The following RPS6KA5 variants were observed in gnomAD, a reference collection of about 807,000 sequenced individuals.
The protein encoded by RPS6KA5 is ribosomal protein S6 kinase A5.
A neutral mutation model predicts 85.5 loss-of-function variants in RPS6KA5; 27 were observed. The ratio of observed to expected loss-of-function variants is 0.32; its 90% CI spans 0.23 to 0.44. The LOEUF (loss-of-function observed/expected upper bound fraction) is 0.44. Among genes scored for constraint, RPS6KA5 ranks in the 20% least tolerant of loss-of-function variants. RPS6KA5 has a pLI of 1.00. For missense variants in RPS6KA5, 811 were observed against 980.9 expected, an observed-to-expected ratio of 0.83 and a Z score of 2.31; for synonymous variants, 334 against 348.2, an observed-to-expected ratio of 0.96 and a Z score of 0.46.
At chr14:90,958,502 T>C (rs145939196) in intron 3 of RPS6KA5, among the ~76,000 whole-genome samples, 1 of 152,354 alleles carries the variant, frequency 6.6e-6, no homozygotes, top group African/African-American at 2.4e-5. Context: ...ACTGATGCAG[T>C]AGATAAGCAC....
intron 5 of RPS6KA5, among the ~76,000 whole-genome samples, chr14:90,931,088 A>T (rs1225084862): frequency 6.6e-6 from 1 of 152,246 alleles, no homozygotes; most frequent in South Asian, 2.1e-4. Context: ...ATATTTGCAC[A>T]ACCACGTTCA....
chr14:91,059,706 C>G (rs1423000973), intron 1 of RPS6KA5, among the ~76,000 whole-genome samples: 2 of 152,238 alleles, frequency 1.3e-5, no homozygotes, highest in East Asian at 3.9e-4. Flanking sequence ...CCAGGGACCT[C>G]TGAAGGAAAT....
intron 1 of RPS6KA5, among the ~76,000 whole-genome samples, chr14:91,024,791 T>C (rs138794131): frequency 3.9e-5 from 6 of 152,330 alleles, no homozygotes; most frequent in Non-Finnish European, 7.4e-5. Flanking sequence ...TTGGCACATA[T>C]TGCTGACATT....
chr14:90,990,539 G>A (rs1046104973), intron 2 of RPS6KA5, among the ~76,000 whole-genome samples: 1 of 152,024 alleles, frequency 6.6e-6, no homozygotes, highest in African/African-American at 2.4e-5. Flanking sequence ...TATACACAAA[G>A]GAATATAAAT....
At chr14:91,023,189 A>C (rs975392248) in intron 1 of RPS6KA5, among the ~76,000 whole-genome samples, 4 of 151,558 alleles carry the variant, frequency 2.6e-5, no homozygotes, top group African/African-American at 9.7e-5. Flanking sequence ...GCTCACCATC[A>C]GGTTGTTTTC....
intron 5 of RPS6KA5, among the ~76,000 whole-genome samples, chr14:90,927,085 C>T (rs1229964986): frequency 2.0e-5 from 3 of 151,992 alleles, no homozygotes; most frequent in African/African-American, 7.2e-5. Context: ...TGGTCATGAT[C>T]GTTTGAGAGA....
intron 7 of RPS6KA5, among the ~76,000 whole-genome samples, chr14:90,916,511 AATG>A (rs2036124782): frequency 6.6e-6 from 1 of 152,226 alleles, no homozygotes; most frequent in Admixed American, 6.5e-5. Flanking sequence ...GGAAAAATTC[AATG>A]ATGATAAAAA....
intron 1 of RPS6KA5, among the ~76,000 whole-genome samples, chr14:91,014,376 C>CCTA (rs1272819061): frequency 6.6e-6 from 1 of 151,656 alleles, no homozygotes; most frequent in Non-Finnish European, 1.5e-5. Context: ...GTGGCGTGCA[C>CCTA]CTGTAGTCCC....
intron 6 of RPS6KA5, among the ~76,000 whole-genome samples, chr14:90,922,713 T>C (rs1475720246): frequency 2.0e-5 from 3 of 152,320 alleles, no homozygotes; most frequent in African/African-American, 7.2e-5. Flanking sequence ...CCTTCCAAAG[T>C]GCTGGGATTA....
In RPS6KA5 at chr14:90,871,961, A is replaced by G; in HGVS notation, c.*113T>C. 1 of 1,364,324 alleles carries G rather than the reference A, an allele frequency of 7.3e-7. No homozygotes were observed. The highest frequency in any genetic ancestry group is 2.3e-5 in the Admixed American group (1 of 43,446). The allele number at this position is 1,364,324 out of a possible 1,614,324, so 84.5% of individuals were successfully genotyped here. On this transcript the variant is annotated 3_prime_UTR_variant, in exon 17 of 17. Transcript: ENST00000614987. ...GGTTTTCCTGAAAAAAATCATTAGG[A>G]GGCAGATTCCAATGAGACCAACGGG...
intron 5 of RPS6KA5, among the ~76,000 whole-genome samples, chr14:90,932,674 T>A (rs2037047395): frequency 6.6e-6 from 1 of 152,160 alleles, no homozygotes; most frequent in African/African-American, 2.4e-5. Context: ...GCCTAGTAAC[T>A]CAACTTTCTT....
Position 90,873,754 on chromosome 14 carries a change from C to T in RPS6KA5, c.2038G>A (p.Gly680Ser). The change falls in exon 16 of 17, where the codon GGC (glycine) becomes AGC (serine). Residue 680 changes from glycine to serine, a missense_variant. Gly to Ser is a moderately conservative substitution (Grantham distance 56, BLOSUM62 0). This residue lies in a region of RPS6KA5 where 650 missense variants were observed against 793.4 expected (regional missense o/e 0.82). Transcript: ENST00000614987. The part of the protein sequence containing the change: ...VDPNKRLKMS[G>S]LRYNEWLQDG... ...TGTAGCCATTCATTGTACCTCAAGCCAGACATTTTAAGCCTTTTGTTTGGA... is the reference window on the plus strand; with the variant it reads ...TGTAGCCATTCATTGTACCTCAAGCTAGACATTTTAAGCCTTTTGTTTGGA... 1.2e-6 allele frequency: 2 copies of T among 1,614,074 alleles called. No individual in the cohort carries two copies. Among genetic ancestry groups the T allele is most frequent in the South Asian group, 1.1e-5 (1 of 91,076 alleles).
intron 3 of RPS6KA5, among the ~76,000 whole-genome samples, chr14:90,957,771 T>C (rs2038598949): frequency 6.6e-6 from 1 of 152,132 alleles, no homozygotes; most frequent in African/African-American, 2.4e-5. Context: ...GTTGCTCTAA[T>C]GGAGCTACTG....
chr14:91,050,602 T>C (rs2043038722), intron 1 of RPS6KA5, among the ~76,000 whole-genome samples: 1 of 152,110 alleles, frequency 6.6e-6, no homozygotes, highest in Non-Finnish European at 1.5e-5. Flanking sequence ...CTAATTTTTG[T>C]ATTTTTAGTA....
chr14:90,856,825 T>TC lies in RPS6KA5; in HGVS notation c.*15248dup. 2 of 161,848 alleles carry TC rather than the reference T, an allele frequency of 1.2e-5. No homozygotes were observed. Among genetic ancestry groups the TC allele is most frequent in the Admixed American group, 6.4e-5 (1 of 15,720 alleles). 10.0% of individuals were successfully genotyped at this position (161,848 alleles called of 1,614,324 possible). ...CCTGTATACATTGTCACTCCCTATT[T>TC]CCCCCTCCCACCAGCCCCTGAAAAA... is the stretch of plus-strand genomic sequence containing the variant. On this transcript the variant is annotated 3_prime_UTR_variant, in exon 17 of 17. Coordinates refer to ENST00000614987, the MANE Select transcript of RPS6KA5 (RefSeq NM_004755.4).
At chr14:91,013,335 C>A (rs1171189671) in intron 1 of RPS6KA5, among the ~76,000 whole-genome samples, 2 of 152,112 alleles carry the variant, frequency 1.3e-5, no homozygotes, top group Admixed American at 1.3e-4. Flanking sequence ...GACACTCAGG[C>A]AGGTGACCAA....
chr14:90,993,414 T>C (rs2040388110), intron 2 of RPS6KA5, among the ~76,000 whole-genome samples: 3 of 152,134 alleles, frequency 2.0e-5, no homozygotes, highest in Admixed American at 1.3e-4. Context: ...CACTCCAGCC[T>C]GGGTGACAGA....
At chr14:90,964,902 G>A (rs1351225987) in intron 3 of RPS6KA5, among the ~76,000 whole-genome samples, 1 of 125,832 alleles carries the variant, frequency 7.9e-6, no homozygotes, top group East Asian at 2.5e-4. Flanking sequence ...GCAAGAGAGT[G>A]AGACCCTGTC....
chr14:91,051,435 C>T (rs998677568), intron 1 of RPS6KA5, among the ~76,000 whole-genome samples: 1 of 151,886 alleles, frequency 6.6e-6, no homozygotes, highest in African/African-American at 2.4e-5. Flanking sequence ...TTTTAAAATA[C>T]AACAACAATA....
Sources: gnomAD v4.1 joint callset for allele counts (sites outside exome capture counted in the v4.1 genomes callset) on GRCh38, gnomAD v4.1.1 for gene constraint, gnomAD v4.1.1 regional missense constraint, MANE v1.5 for transcripts, NCBI Gene and HGNC (gene_info 2026-07-23, HGNC 2026-07-21) for gene names.